PFKFB4: variants seen among roughly 807,000 people sequenced by gnomAD.
The protein encoded by PFKFB4 is 6-phosphofructo-2-kinase/fructose-2,6-biphosphatase 4.
PFKFB4 carries 42 observed loss-of-function variants against 62.8 expected under a neutral mutation model. The observed-to-expected ratio is 0.67, with a 90% CI of 0.52 to 0.86. The LOEUF (loss-of-function observed/expected upper bound fraction) is 0.86, where lower values mean the gene tolerates loss of function less well. Ranked by LOEUF, PFKFB4 falls within the 40% of genes least tolerant of loss-of-function variation. The pLI, the probability that PFKFB4 is intolerant of heterozygous loss-of-function variation, is 0.00. For missense variants in PFKFB4, 475 were observed against 627.2 expected (o/e 0.76, Z 2.59); for synonymous variants, 204 against 240.7 (o/e 0.85, Z 1.41).
Position 48,549,967 on chromosome 3 carries a change from G to C in PFKFB4, c.215-7C>G. ...TACTGGCCAACATTGAACTCTGGAG[G>C]GAAGGAGAGGCTCAGCTTTCACAGC... On this transcript the variant is annotated splice_region_variant and splice_polypyrimidine_tract_variant and intron_variant, in intron 2 of 13. Transcript: ENST00000232375. The C allele has an allele frequency of 6.2e-7, 1 of 1,604,266 alleles. No homozygotes were observed. The highest frequency in any genetic ancestry group is 8.5e-7 in the Non-Finnish European group (1 of 1,171,054).
chr3:48,546,955 C>T (rs2042982668), intron 3 of PFKFB4, among the ~76,000 whole-genome samples: 2 of 152,204 alleles, frequency 1.3e-5, no homozygotes. Flanking sequence ...AATCTTGATG[C>T]TCGCTCCTGG....
chr3:48,546,448 C>T (rs1295587156), intron 3 of PFKFB4, among the ~76,000 whole-genome samples: 1 of 152,136 alleles, frequency 6.6e-6, no homozygotes, highest in Non-Finnish European at 1.5e-5. Flanking sequence ...TACATGTGCA[C>T]AGATCCACAT....
intron 4 of PFKFB4, among the ~76,000 whole-genome samples, chr3:48,540,933 C>T (rs564845561): frequency 3.3e-5 from 5 of 151,754 alleles, no homozygotes; most frequent in Non-Finnish European, 5.9e-5. Flanking sequence ...TGTGCCACCA[C>T]GCCTGGCTAA....
intron 4 of PFKFB4, among the ~76,000 whole-genome samples, chr3:48,541,704 G>A (rs1362943296): frequency 6.6e-6 from 1 of 152,200 alleles, no homozygotes; most frequent in African/African-American, 2.4e-5. Context: ...AGTGGCTTAT[G>A]CCTGTAATCC....
chr3:48,523,388 A>G (rs1378335472), intron 12 of PFKFB4, 149 bp downstream of exon 12: 2 of 778,522 alleles, frequency 2.6e-6, no homozygotes, highest in Non-Finnish European at 2.1e-6. Context: ...CGTCTCAAAG[A>G]AAAAAAGCAA....
chr3:48,545,145 T>C (rs1018332480), intron 3 of PFKFB4, among the ~76,000 whole-genome samples: 5 of 152,052 alleles, frequency 3.3e-5, no homozygotes, highest in African/African-American at 1.2e-4. Flanking sequence ...TGTTTTTTGT[T>C]TTTTGAGACA....
chr3:48,524,908 T>G (rs2042209414), intron 10 of PFKFB4, among the ~76,000 whole-genome samples: 1 of 151,896 alleles, frequency 6.6e-6, no homozygotes, highest in Non-Finnish European at 1.5e-5. Context: ...TCAGAGAAGG[T>G]GACAAGTGCA....
upstream of PFKFB4, chr3:48,561,085 G>A (rs2043426311): frequency 7.8e-7 from 1 of 1,283,544 alleles, no homozygotes; most frequent in Non-Finnish European, 1.0e-6. The surrounding 1 kb of genome is among the most constrained non-coding windows in gnomAD (Gnocchi z 5.2). Flanking sequence ...AGGTCGGTCA[G>A]GGAGCTGCCT....
intron 3 of PFKFB4, among the ~76,000 whole-genome samples, chr3:48,546,770 G>A (rs1477228929): frequency 6.6e-6 from 1 of 152,166 alleles, no homozygotes; most frequent in African/African-American, 2.4e-5. Flanking sequence ...TTTCCTTCTG[G>A]GAGTCTGGAA....
At chr3:48,532,893 A>G (rs141437334) in intron 9 of PFKFB4, among the ~76,000 whole-genome samples, 46 of 152,216 alleles carry the variant, frequency 3.0e-4, no homozygotes, top group Non-Finnish European at 5.9e-4. Context: ...ATGAACCTTG[A>G]GGATATTATG....
intron 9 of PFKFB4, among the ~76,000 whole-genome samples, chr3:48,527,418 C>T (rs2042297782): frequency 6.6e-6 from 1 of 151,498 alleles, no homozygotes; most frequent in Non-Finnish European, 1.5e-5. Flanking sequence ...GTAGCTGGGA[C>T]TACAGGTGTG....
At chr3:48,557,055 G>C, upstream of PFKFB4, 1 of 1,040,848 alleles carries the variant, frequency 9.6e-7, no homozygotes, top group South Asian at 1.9e-5. Flanking sequence ...CTCAACTCCG[G>C]ATTGTACTGG....
chr3:48,541,792 C>A (rs1247406965), intron 4 of PFKFB4, among the ~76,000 whole-genome samples: 1 of 152,080 alleles, frequency 6.6e-6, no homozygotes, highest in Admixed American at 6.5e-5. Context: ...AAGGTGAAAC[C>A]CTGTCTCTGT....
chr3:48,536,186 C>A (rs1021333990), intron 8 of PFKFB4, 70 bp downstream of exon 8: 1 of 1,362,010 alleles, frequency 7.3e-7, no homozygotes, highest in South Asian at 1.2e-5. Context: ...CGCACTCACA[C>A]ATGCATATAC....
At position 48,521,114 on chromosome 3, in the gene PFKFB4, C is replaced by A. The variant is rs1004560014; in HGVS notation, c.1350+872G>T. 2.0e-5 allele frequency among the ~76,000 whole-genome samples: 3 copies of A among 152,340 alleles called. No individual in the cohort carries two copies. The highest frequency in any genetic ancestry group is 1.9e-4 in the East Asian group (1 of 5,188). ...GGAAGGGACAGGACACATCTACACACCTGTGCTGTGAGGTCCAAGGCCAGA... is the reference window on the plus strand; with the variant it reads ...GGAAGGGACAGGACACATCTACACAACTGTGCTGTGAGGTCCAAGGCCAGA... On this transcript the variant is annotated intron_variant, in intron 13 of 13. Coordinates refer to ENST00000232375, the MANE Select transcript of PFKFB4 (RefSeq NM_004567.4). This position sits in a 1 kb window ranked among gnomAD's most constrained non-coding sequence, Gnocchi z 5.3.
chr3:48,557,994 TTAA>T (rs2043371225), upstream of PFKFB4, among the ~76,000 whole-genome samples: 1 of 152,182 alleles, frequency 6.6e-6, no homozygotes, highest in Admixed American at 6.5e-5. Flanking sequence ...AAATAATATG[TTAA>T]TAACATTTTC....
chr3:48,536,550 G>T, intron 7 of PFKFB4, 87 bp from the exon 8 acceptor site: 3 of 1,041,244 alleles, frequency 2.9e-6, no homozygotes, highest in South Asian at 1.4e-5. Flanking sequence ...ATCTAGCTGC[G>T]AGGCCTTGCA....
chr3:48,541,250 C>T (rs2042789679), intron 4 of PFKFB4, among the ~76,000 whole-genome samples: 1 of 152,054 alleles, frequency 6.6e-6, no homozygotes, highest in African/African-American at 2.4e-5. Context: ...GCCTCAGCCT[C>T]CCGAGTAGCT....
chr3:48,538,609 A>C lies in PFKFB4; in HGVS notation c.521T>G (p.Leu174Arg). The change falls in exon 7 of 14, where the codon CTG becomes CGG. Residue 174 changes from leucine to arginine, a missense_variant. Transcript: ENST00000232375. ...GCGGTTGACATAGTCAGGGCTGCCCAGTTTCACTTGCTGCCGGAGCCAGGC... is the reference window on the plus strand; with the variant it reads ...GCGGTTGACATAGTCAGGGCTGCCCCGTTTCACTTGCTGCCGGAGCCAGGC... ...VIAANIVQVKLGSPDYVNRDS... is the reference protein window; with the variant it reads ...VIAANIVQVKRGSPDYVNRDS... The C allele has an allele frequency of 6.2e-7, 1 of 1,614,188 alleles. No homozygotes were observed. The highest frequency in any genetic ancestry group is 2.2e-5 in the East Asian group (1 of 44,880).
Sources: allele counts gnomAD v4.1 joint callset (sites outside exome capture counted in the v4.1 genomes callset), GRCh38; gene constraint gnomAD v4.1.1; non-coding constraint Gnocchi (gnomAD v3.1); transcripts MANE v1.5; gene names NCBI Gene and HGNC (gene_info 2026-07-23, HGNC 2026-07-21).